Variants in TLE5 observed in about 807,000 individuals in gnomAD.
TLE5 encodes the protein TLE family member 5.
In TLE5, 7 loss-of-function variants were observed where a neutral mutation model predicts 25.8. That is an observed-to-expected ratio of 0.27 (90% CI 0.15 to 0.51). The LOEUF is 0.51. TLE5 is among the 20% of genes least tolerant of loss of function. TLE5 has a pLI of 0.97. For synonymous variants in TLE5, 132 were observed against 110.5 expected, an observed-to-expected ratio of 1.20 and a Z score of -1.22; for missense variants, 149 against 250.7, an observed-to-expected ratio of 0.59 and a Z score of 2.74.
At chr19:3,059,035 C>G (rs758909188) in intron 2 of TLE5, among the ~76,000 whole-genome samples, 6 of 152,142 alleles carry the variant, frequency 3.9e-5, no homozygotes, top group Non-Finnish European at 8.8e-5. Flanking sequence ...AAGAAAAGTT[C>G]TAGAACAGTA....
chr19:3,057,292 G>C (rs2090227255), intron 3 of TLE5: 1 of 226,204 alleles, frequency 4.4e-6, no homozygotes, highest in African/African-American at 2.3e-5. Flanking sequence ...TTGAGCTCGG[G>C]CCCAAAGGGG....
chr19:3,062,124 G>C, intron 1 of TLE5, 50 bp downstream of exon 1: 1 of 954,846 alleles, frequency 1.0e-6, no homozygotes, highest in Non-Finnish European at 1.3e-6. Flanking sequence ...GGTCGGGGGC[G>C]TAGGGCCCGG....
At chr19:3,057,139 G>A (rs890148918) in intron 3 of TLE5, among the ~76,000 whole-genome samples, 2 of 152,172 alleles carry the variant, frequency 1.3e-5, no homozygotes, top group African/African-American at 2.4e-5. Context: ...GCCAAGGGTG[G>A]GTAAGGGAGG....
intron 1 of TLE5, 121 bp downstream of exon 1, chr19:3,062,053 G>A (rs948038043): frequency 1.2e-4 from 34 of 273,722 alleles, no homozygotes; most frequent in Admixed American, 1.9e-4. Context: ...GGGAGTTGGG[G>A]GGGGCGCCGG....
intron 1 of TLE5, among the ~76,000 whole-genome samples, chr19:3,061,569 G>A (rs546676042): frequency 1.3e-5 from 2 of 152,000 alleles, no homozygotes; most frequent in South Asian, 4.2e-4. Flanking sequence ...GCGCCGGGAG[G>A]GAGTGCACAT....
chr19:3,057,346 G>C (rs975784733), intron 3 of TLE5: 1 of 351,062 alleles, frequency 2.8e-6, no homozygotes, highest in African/African-American at 2.1e-5. Flanking sequence ...GGAGGGACTC[G>C]GCTGCTCCCC....
At chr19:3,055,595 C>T (rs2090210132) in intron 5 of TLE5, 69 bp downstream of exon 5, 1 of 1,428,762 alleles carries the variant, frequency 7.0e-7, no homozygotes. Flanking sequence ...CCCAAGATGG[C>T]TGCAGTGGAC....
intron 2 of TLE5, among the ~76,000 whole-genome samples, chr19:3,059,329 C>A (rs2090245422): frequency 6.6e-6 from 1 of 152,090 alleles, no homozygotes; most frequent in Non-Finnish European, 1.5e-5. Flanking sequence ...TGAGACCAGC[C>A]TGGCCAACAT....
chr19:3,054,070 G>T (rs1267748782), intron 6 of TLE5, 30 bp from the exon 7 acceptor site: 2 of 1,563,608 alleles, frequency 1.3e-6, no homozygotes, highest in African/African-American at 2.7e-5. Context: ...AACATTAGCT[G>T]CCTGGGGCCC....
At position 3,053,644 on chromosome 19, in the gene TLE5, G is replaced by A; in HGVS notation, c.*175C>T. 1.5e-6 allele frequency: 1 copy of A among 666,238 alleles called. No homozygotes were observed. Among genetic ancestry groups the A allele is most frequent in the African/African-American group, 1.8e-5 (1 of 55,162 alleles). 41.3% of individuals were successfully genotyped at this position (666,238 alleles called of 1,614,324 possible). A position where few individuals can be genotyped will look rare whatever the true frequency, so the allele number is the denominator to read the frequency against. ...AGGGAAGCCGGGAATGGGGTAGGAA[G>A]AAAGCTAGAGGTGGCCTGCAAGCTG... On this transcript the variant is annotated 3_prime_UTR_variant, in exon 7 of 7. Coordinates refer to ENST00000327141, the MANE Select transcript of TLE5 (RefSeq NM_001130.6).
In TLE5 at chr19:3,053,376, ACTC is replaced by A; in HGVS notation, c.*440_*442del. 1.2e-5 allele frequency: 2 copies of A among 165,614 alleles called. No homozygotes were observed. Among genetic ancestry groups the A allele is most frequent in the Admixed American group, 5.9e-5 (1 of 16,938 alleles). 10.3% of individuals were successfully genotyped at this position (165,614 alleles called of 1,614,324 possible). A position where few individuals can be genotyped will look rare whatever the true frequency, so the allele number is the denominator to read the frequency against. On this transcript the variant is annotated 3_prime_UTR_variant, in exon 7 of 7. Transcript: ENST00000327141. ...TACCTGGGACCCGGGGTCGGGGGAG[ACTC>A]GGGGTGCCCAGGACGGGAAAGGGGC...
chr19:3,058,525 G>A (rs563769085), intron 2 of TLE5, among the ~76,000 whole-genome samples: 1 of 152,202 alleles, frequency 6.6e-6, no homozygotes, highest in South Asian at 2.1e-4. Flanking sequence ...GGGGGGCCTG[G>A]ACTTCCCAGG....
chr19:3,053,473 T>A lies in TLE5; in HGVS notation c.*346A>T. 1 of 345,738 alleles carries A rather than the reference T, an allele frequency of 2.9e-6. No individual in the cohort carries two copies. The highest frequency in any genetic ancestry group is 4.4e-5 in the Admixed American group (1 of 22,746). 21.4% of individuals were successfully genotyped at this position (345,738 alleles called of 1,614,324 possible). A position where few individuals can be genotyped will look rare whatever the true frequency, so the allele number is the denominator to read the frequency against. ...GCCCAGGCAGACTGTCGGTTACACA[T>A]GTTCAAAACGGGGGAAGGGCCGGGG... On this transcript the variant is annotated 3_prime_UTR_variant, in exon 7 of 7. Coordinates refer to ENST00000327141, the MANE Select transcript of TLE5 (RefSeq NM_001130.6).
chr19:3,056,270 GGAA>G (rs1568263895), intron 4 of TLE5, 39 bp downstream of exon 4: 11 of 1,409,242 alleles, frequency 7.8e-6, no homozygotes, highest in East Asian at 5.2e-5. Context: ...GGGAGGAGGG[GGAA>G]GGAGGAGGAG....
chr19:3,062,593 C>T, upstream of TLE5: 1 of 992,222 alleles, frequency 1.0e-6, no homozygotes, highest in Non-Finnish European at 1.2e-6. Context: ...CCCGGGGAGG[C>T]CTGCGGATCC....
In TLE5 at chr19:3,053,437, A is replaced by T. The variant is rs1182381176; in HGVS notation, c.*382T>A. ...ATTGCGTGCATGCAGTACCAGGGTG[A>T]GAGGGCTGTGGCCCAGGCAGACTGT... is the stretch of plus-strand genomic sequence containing the variant. On this transcript the variant is annotated 3_prime_UTR_variant, in exon 7 of 7. Transcript: ENST00000327141. 1 of 264,332 alleles carries T rather than the reference A, an allele frequency of 3.8e-6. No homozygotes were observed. Among genetic ancestry groups the T allele is most frequent in the African/African-American group, 2.2e-5 (1 of 45,068 alleles). 16.4% of individuals were successfully genotyped at this position (264,332 alleles called of 1,614,324 possible).
rs1450060707 is a variant in TLE5 at position 3,053,627 on chromosome 19, C to T, written c.*192G>A. ...GGCTGCAGGGGAGGAGGAGGGAAGC[C>T]GGGAATGGGGTAGGAAGAAAGCTAG... On this transcript the variant is annotated 3_prime_UTR_variant, in exon 7 of 7. Coordinates refer to ENST00000327141, the MANE Select transcript of TLE5 (RefSeq NM_001130.6). 1.9e-5 allele frequency: 12 copies of T among 631,276 alleles called. No individual in the cohort carries two copies. The highest frequency in any genetic ancestry group is 1.7e-4 in the African/African-American group (9 of 54,316). The allele number at this position is 631,276 out of a possible 1,614,324, so 39.1% of individuals were successfully genotyped here.
chr19:3,057,552 GGCCCCGATCCTC>G (rs2090229926), intron 3 of TLE5, 115 bp downstream of exon 3: 3 of 882,970 alleles, frequency 3.4e-6, no homozygotes, highest in South Asian at 3.0e-5. Context: ...ATGGAGAACA[GGCCCCGATCCTC>G]GCGCTTCCCA....
chr19:3,057,757 G>A lies in TLE5; in HGVS notation c.126-15C>T, dbSNP rs370967064. On this transcript the variant is annotated splice_polypyrimidine_tract_variant and intron_variant, in intron 2 of 6. Coordinates refer to ENST00000327141, the MANE Select transcript of TLE5 (RefSeq NM_001130.6). Reference sequence around the variant, plus strand: ...CGAGCTTGAGGCTGAGGAGGCACAGGGGGGAGATGGGGTGGTTAGTGGCGG... The same window carrying A: ...CGAGCTTGAGGCTGAGGAGGCACAGAGGGGAGATGGGGTGGTTAGTGGCGG... 1.5e-5 allele frequency: 25 copies of A among 1,613,236 alleles called. No homozygotes were observed. Among genetic ancestry groups the A allele is most frequent in the Non-Finnish European group, 2.1e-5 (25 of 1,179,752 alleles).
Sources: allele counts gnomAD v4.1 joint callset (sites outside exome capture counted in the v4.1 genomes callset), GRCh38; gene constraint gnomAD v4.1.1; transcripts MANE v1.5; gene names NCBI Gene and HGNC (gene_info 2026-07-23, HGNC 2026-07-21).